Variants in ICA1L observed in about 807,000 individuals in gnomAD.
ICA1L encodes the protein islet cell autoantigen 1 like.
Under a neutral mutation model 61.3 loss-of-function variants are expected in ICA1L, and 50 were observed. The observed-to-expected ratio is 0.82, with a 90% CI of 0.65 to 1.03. The LOEUF (loss-of-function observed/expected upper bound fraction) is 1.03, where lower values mean the gene tolerates loss of function less well. Ranked by LOEUF, ICA1L falls within the 50% of genes least tolerant of loss-of-function variation. The pLI, the probability that ICA1L is intolerant of heterozygous loss-of-function variation, is 0.00. For synonymous variants in ICA1L, 161 were observed against 191.3 expected, an observed-to-expected ratio of 0.84 and a Z score of 1.31; for missense variants, 508 against 556.7, an observed-to-expected ratio of 0.91 and a Z score of 0.88.
intron 10 of ICA1L, among the ~76,000 whole-genome samples, chr2:202,792,647 A>G (rs917946193): frequency 1.3e-5 from 2 of 152,068 alleles, no homozygotes; most frequent in African/African-American, 2.4e-5. Context: ...TACTAAAAAT[A>G]TAGAACAAAT....
chr2:202,783,420 CT>C (rs1316783053), intron 12 of ICA1L, among the ~76,000 whole-genome samples: 7 of 152,210 alleles, frequency 4.6e-5, no homozygotes, highest in Admixed American at 1.3e-4. Context: ...CATGCACCCC[CT>C]GATAGGATTT....
At chr2:202,819,568 G>T in intron 5 of ICA1L, 133 bp downstream of exon 5, 1 of 708,104 alleles carries the variant, frequency 1.4e-6, no homozygotes, top group Non-Finnish European at 2.4e-6. Context: ...TTCAACTACA[G>T]TCTCCAAGCA....
intron 1 of ICA1L, among the ~76,000 whole-genome samples, chr2:202,831,009 G>A (rs1694001961): frequency 6.6e-6 from 1 of 152,072 alleles, no homozygotes; most frequent in African/African-American, 2.4e-5. Context: ...TATGAGTTAA[G>A]ATATACCAGG....
chr2:202,793,793 C>T (rs1444799505), intron 10 of ICA1L, among the ~76,000 whole-genome samples: 1 of 151,700 alleles, frequency 6.6e-6, no homozygotes, highest in Non-Finnish European at 1.5e-5. Flanking sequence ...TTGAGACCAG[C>T]CTGACCAACA....
chr2:202,796,878 A>G lies in ICA1L; in HGVS notation c.985+12T>C. The stretch of plus-strand genomic sequence containing the variant: ...AAAGAATCATTCATATGTAGAGTGA[A>G]ATGATTCTTACCATTTTCAGAGTTA... On this transcript the variant is annotated intron_variant, in intron 10 of 12. Transcript: ENST00000358299. The G allele has an allele frequency of 6.7e-7, 1 of 1,486,442 alleles. No homozygotes were observed. The highest frequency in any genetic ancestry group is 9.2e-7 in the Non-Finnish European group (1 of 1,082,918). 92.1% of individuals were successfully genotyped at this position (1,486,442 alleles called of 1,614,324 possible). A position where few individuals can be genotyped will look rare whatever the true frequency, so the allele number is the denominator to read the frequency against.
chr2:202,817,915 CATT>C (rs1480355654), intron 5 of ICA1L, among the ~76,000 whole-genome samples: 2 of 152,112 alleles, frequency 1.3e-5, no homozygotes, highest in East Asian at 3.8e-4. Context: ...CACTGAGAAA[CATT>C]AATAATATTT....
At chr2:202,785,715 C>T (rs538062983) in intron 12 of ICA1L, among the ~76,000 whole-genome samples, 23 of 152,300 alleles carry the variant, frequency 1.5e-4, no homozygotes, top group African/African-American at 5.5e-4. Flanking sequence ...CATGAGCCAC[C>T]ATGCTTGGCC....
At chr2:202,838,932 T>A (rs1479484986) in intron 1 of ICA1L, among the ~76,000 whole-genome samples, 1 of 151,996 alleles carries the variant, frequency 6.6e-6, no homozygotes, top group Non-Finnish European at 1.5e-5. Context: ...AATACTCCCT[T>A]AAACAACCAA....
chr2:202,869,860 A>G (rs1172256147), intron 1 of ICA1L, among the ~76,000 whole-genome samples: 1 of 152,162 alleles, frequency 6.6e-6, no homozygotes, highest in African/African-American at 2.4e-5. Flanking sequence ...ATCCAAGTAC[A>G]AGTTTGAAAA....
chr2:202,823,132 C>T (rs1355928197), intron 3 of ICA1L, among the ~76,000 whole-genome samples: 9 of 152,150 alleles, frequency 5.9e-5, no homozygotes, highest in Admixed American at 5.9e-4. Flanking sequence ...CTGAAGCTTA[C>T]CTTTATCATT....
At chr2:202,841,805 G>A in intron 1 of ICA1L, 1 of 359,422 alleles carries the variant, frequency 2.8e-6, no homozygotes, top group Non-Finnish European at 5.4e-6. Context: ...GTGGAGGCAG[G>A]TGGGCTGAAC....
rs776604498 is a variant in ICA1L at position 202,788,941 on chromosome 2, T to C, written c.1132A>G (p.Ser378Gly). ...ATGGAAGGCTCCTGGGATGTGAGAC[T>C]GGCACTGGGGCTCCCAAAGGCAGTC... ...CQTAFGSPSA[S>G]LTSQEPSMGS... is the part of the protein sequence containing the mutation. The change falls in exon 11 of 13, where the codon AGT becomes GGT. Residue 378 changes from serine (S) to glycine (G), a missense_variant. Coordinates refer to ENST00000358299, the MANE Select transcript of ICA1L (RefSeq NM_001288622.3). The C allele has an allele frequency of 6.2e-7, 1 of 1,614,170 alleles. No homozygotes were observed. Among genetic ancestry groups the C allele is most frequent in the South Asian group, 1.1e-5 (1 of 91,084 alleles).
At chr2:202,862,635 G>C (rs912804514) in intron 1 of ICA1L, among the ~76,000 whole-genome samples, 4 of 151,894 alleles carry the variant, frequency 2.6e-5, no homozygotes, top group African/African-American at 9.6e-5. Flanking sequence ...TCAGGAGTTC[G>C]AGACCAGCCT....
intron 5 of ICA1L, 180 bp downstream of exon 5, chr2:202,819,521 C>A: frequency 1.7e-6 from 1 of 591,114 alleles, no homozygotes; most frequent in Non-Finnish European, 3.0e-6. Flanking sequence ...AGATGCCACT[C>A]CAGGAGTAAA....
At chr2:202,813,550 GCAT>G (rs966216180) in intron 8 of ICA1L, among the ~76,000 whole-genome samples, 1 of 152,186 alleles carries the variant, frequency 6.6e-6, no homozygotes, top group Non-Finnish European at 1.5e-5. Context: ...CTTTAGTGCT[GCAT>G]CATAACATGG....
rs139316844 is a variant in ICA1L at position 202,851,408 on chromosome 2, T to C, written c.-8+20211A>G. Among the ~76,000 whole-genome samples, 866 of 152,304 alleles carry C rather than the reference T, an allele frequency of 5.7e-3. 9 individuals are homozygous for C. The highest frequency in any genetic ancestry group is 0.019 in the African/African-American group (808 of 41,578). Reference sequence around the variant, plus strand: ...TGCCACATTTTCTTAATCCAGTCTATCATTGATGGACATTTGGGTTGGTTC... The same window carrying C: ...TGCCACATTTTCTTAATCCAGTCTACCATTGATGGACATTTGGGTTGGTTC... On this transcript the variant is annotated intron_variant, in intron 1 of 12. Transcript: ENST00000358299.
At chr2:202,807,097 C>T (rs1693248814) in intron 9 of ICA1L, among the ~76,000 whole-genome samples, 1 of 152,210 alleles carries the variant, frequency 6.6e-6, no homozygotes, top group Non-Finnish European at 1.5e-5. Flanking sequence ...CTGTACCCCA[C>T]AGGAACAACA....
At chr2:202,824,116 G>A (rs1693769002) in intron 3 of ICA1L, among the ~76,000 whole-genome samples, 1 of 152,132 alleles carries the variant, frequency 6.6e-6, no homozygotes. Flanking sequence ...GAAAAATTCT[G>A]TCCTGGCGAG....
intron 3 of ICA1L, among the ~76,000 whole-genome samples, chr2:202,824,435 T>A (rs1271833890): frequency 1.3e-5 from 2 of 151,972 alleles, no homozygotes; most frequent in South Asian, 4.1e-4. Context: ...GAGGGCATAC[T>A]CTAGTGGTGG....
Sources: gnomAD v4.1 joint callset for allele counts (sites outside exome capture counted in the v4.1 genomes callset) on GRCh38, gnomAD v4.1.1 for gene constraint, MANE v1.5 for transcripts, NCBI Gene and HGNC (gene_info 2026-07-23, HGNC 2026-07-21) for gene names.